XRN1: variants seen among roughly 807,000 people sequenced by gnomAD.
The protein encoded by XRN1 is 5'-3' exoribonuclease 1, also known as strand-exchange protein 1 homolog.
In XRN1, 67 loss-of-function variants were observed where a neutral mutation model predicts 222.3. The ratio of observed to expected loss-of-function variants is 0.30; its 90% confidence interval spans 0.25 to 0.37. The LOEUF (loss-of-function observed/expected upper bound fraction) is 0.37. Ranked by LOEUF, XRN1 falls within the 10% of genes least tolerant of loss-of-function variation. The pLI is 1.00. For missense variants in XRN1, 1,707 were observed against 2,000.2 expected (o/e 0.85, Z 2.80); for synonymous variants, 643 against 652.4 (o/e 0.99, Z 0.22).
chr3:142,325,609 T>A (rs1412156689), intron 37 of XRN1, among the ~76,000 whole-genome samples: 3 of 152,168 alleles, frequency 2.0e-5, no homozygotes, highest in Non-Finnish European at 4.4e-5. Context: ...TTTTCTCCTC[T>A]TCTGTGTATT....
chr3:142,387,418 G>C (rs1251174203), intron 20 of XRN1, among the ~76,000 whole-genome samples: 1 of 152,088 alleles, frequency 6.6e-6, no homozygotes, highest in Non-Finnish European at 1.5e-5. Flanking sequence ...TTGTATTCTT[G>C]TTCCACATGT....
chr3:142,343,422 C>G (rs1452379039), intron 33 of XRN1, among the ~76,000 whole-genome samples: 1 of 151,496 alleles, frequency 6.6e-6, no homozygotes, highest in Non-Finnish European at 1.5e-5. Flanking sequence ...CCATTGCACT[C>G]CAGCCTGGGC....
At chr3:142,441,345 T>C (rs1473842338) in intron 1 of XRN1, among the ~76,000 whole-genome samples, 3 of 152,216 alleles carry the variant, frequency 2.0e-5, no homozygotes, top group Non-Finnish European at 4.4e-5. Context: ...GATGGACACC[T>C]GAAGCAGAAG....
Position 142,414,242 on chromosome 3 carries a change from T to C in XRN1, c.1486A>G (p.Ser496Gly), listed in dbSNP as rs148710703. 10 of 1,613,790 alleles carry C rather than the reference T, an allele frequency of 6.2e-6. No homozygotes were observed. The African/African-American group carries it at 1.3e-4, about 22-fold the overall frequency. The change falls in exon 14 of 41, where the codon AGT becomes GGT. Residue 496 changes from serine to glycine, a missense_variant. By Grantham distance (56) the Ser-to-Gly change is moderately conservative. Transcript: ENST00000392981. Reference protein sequence around the residue: ...APFLSDIHNISTLKIHFELGK... With the variant: ...APFLSDIHNIGTLKIHFELGK... ...AGTTCAAAATGGATTTTGAGTGTAC[T>C]GATGTTGTGTATATCAGACAGGAAA... is the stretch of plus-strand genomic sequence containing the variant.
At chr3:142,444,846 AAT>A (rs758520753) in intron 1 of XRN1, among the ~76,000 whole-genome samples, 25 of 152,212 alleles carry the variant, frequency 1.6e-4, no homozygotes, top group East Asian at 1.2e-3. Flanking sequence ...CATAAAAAAA[AAT>A]AATCATAATA....
Position 142,422,749 on chromosome 3 carries a change from T to A in XRN1, c.800A>T (p.Glu267Val), listed in dbSNP as rs1220292293. 1 of 1,609,632 alleles carries A rather than the reference T, an allele frequency of 6.2e-7. No homozygotes were observed. The highest frequency in any genetic ancestry group is 1.1e-5 in the South Asian group (1 of 90,318). ...AATATCATATTTAAATGTGATCTTT[T>A]CCTACAGTAAAATAGAGAACAAAGT... Reference protein sequence around the residue: ...YIDYEFSVLKEKITFKYDIER... With the variant: ...YIDYEFSVLKVKITFKYDIER... The change falls in exon 8 of 41, where the codon GAA becomes GTA. Residue 267 changes from glutamate (E) to valine (V), a missense_variant and splice_region_variant. Glu to Val is a moderately radical substitution (Grantham distance 121, BLOSUM62 -2). Coordinates refer to ENST00000392981, the MANE Select transcript of XRN1 (RefSeq NM_001282857.2).
At chr3:142,336,197 T>C (rs899551024) in intron 33 of XRN1, among the ~76,000 whole-genome samples, 2 of 152,040 alleles carry the variant, frequency 1.3e-5, no homozygotes, top group African/African-American at 4.8e-5. Flanking sequence ...ATTATTTTCA[T>C]AGGATTTGGT....
chr3:142,343,904 TAAA>T (rs1348213126), intron 33 of XRN1, among the ~76,000 whole-genome samples: 2 of 151,992 alleles, frequency 1.3e-5, no homozygotes, highest in African/African-American at 4.8e-5. Context: ...TATTCGGCCA[TAAA>T]AAAAGAATGA....
chr3:142,380,509 C>T (rs1483576751), intron 22 of XRN1, among the ~76,000 whole-genome samples: 1 of 151,956 alleles, frequency 6.6e-6, no homozygotes, highest in Non-Finnish European at 1.5e-5. Flanking sequence ...GGTGGTATGG[C>T]CGTAGACAGG....
rs2065038882 is a variant in XRN1 at position 142,309,690 on chromosome 3, G to C, written c.*1821C>G. On this transcript the variant is annotated 3_prime_UTR_variant, in exon 41 of 41. Transcript: ENST00000392981. ...CTATGCTCTAAAACAGATGTGAGCT[G>C]CATGCTATTTATATAACTGTCACAC... 1 of 152,232 alleles carries C rather than the reference G, an allele frequency of 6.6e-6. No individual in the cohort carries two copies. Among genetic ancestry groups the C allele is most frequent in the Non-Finnish European group, 1.5e-5 (1 of 68,046 alleles). The allele number at this position is 152,232 out of a possible 1,614,324, so 9.4% of individuals were successfully genotyped here.
At chr3:142,341,039 G>A (rs2065977838) in intron 33 of XRN1, among the ~76,000 whole-genome samples, 1 of 152,042 alleles carries the variant, frequency 6.6e-6, no homozygotes, top group Non-Finnish European at 1.5e-5. Flanking sequence ...TGTATGGTAT[G>A]TAAACTACTC....
At position 142,381,764 on chromosome 3, in the gene XRN1, G is replaced by A. The variant is rs374858333; in HGVS notation, c.2616+1536C>T. Among the ~76,000 whole-genome samples the A allele has an allele frequency of 2.6e-5, 4 of 151,682 alleles. No individual in the cohort carries two copies. The East Asian group carries it at 7.8e-4, about 29-fold the overall frequency. ...ATAATTTTAGCAGAGATGAGGTTTC[G>A]CTGTGTTGGCCAGCCTGGTCTCGAA... On this transcript the variant is annotated intron_variant, in intron 22 of 40. Coordinates refer to ENST00000392981, the MANE Select transcript of XRN1 (RefSeq NM_001282857.2).
Position 142,369,978 on chromosome 3 carries a change from C to T in XRN1, c.3204+507G>A, listed in dbSNP as rs552714000. On this transcript the variant is annotated intron_variant, in intron 27 of 40. Coordinates refer to ENST00000392981, the MANE Select transcript of XRN1 (RefSeq NM_001282857.2). ...AGGAGAATTGCTTCAATCTGGGAGG[C>T]GGAGGTTGCAGTGAGCCGAGATCCT... Among the ~76,000 whole-genome samples, 1,039 of 142,498 alleles carry T rather than the reference C, an allele frequency of 7.3e-3. 21 individuals are homozygous for T. Among genetic ancestry groups the T allele is most frequent in the African/African-American group, 0.026 (986 of 38,488 alleles). 93.5% of individuals were successfully genotyped at this position (142,498 alleles called of 152,430 possible). A position where few individuals can be genotyped will look rare whatever the true frequency, so the allele number is the denominator to read the frequency against.
chr3:142,442,789 A>C (rs1235747618), intron 1 of XRN1, among the ~76,000 whole-genome samples: 2 of 152,156 alleles, frequency 1.3e-5, no homozygotes, highest in Non-Finnish European at 2.9e-5. Flanking sequence ...GCTGGAGTGC[A>C]GTGGCGCGAT....
chr3:142,355,919 A>G (rs2066455693), intron 31 of XRN1, among the ~76,000 whole-genome samples: 1 of 152,136 alleles, frequency 6.6e-6, no homozygotes, highest in Non-Finnish European at 1.5e-5. Flanking sequence ...GTCCACCCCT[A>G]AACTAACTTT....
At chr3:142,411,884 C>T (rs539265825) in intron 15 of XRN1, among the ~76,000 whole-genome samples, 2 of 149,512 alleles carry the variant, frequency 1.3e-5, no homozygotes, top group East Asian at 2.0e-4. Flanking sequence ...TGCAGTGGCG[C>T]GATCTCGGTT....
At chr3:142,418,477 A>T in intron 12 of XRN1, 27 bp downstream of exon 12, 1 of 1,524,650 alleles carries the variant, frequency 6.6e-7, no homozygotes, top group Non-Finnish European at 8.9e-7. Context: ...TTTCTATTTT[A>T]AAATAAAAGC....
At chr3:142,383,045 T>C (rs2067360429) in intron 22 of XRN1, among the ~76,000 whole-genome samples, 1 of 151,390 alleles carries the variant, frequency 6.6e-6, no homozygotes, top group South Asian at 2.1e-4. Flanking sequence ...ACAAAACTGC[T>C]AAAAAAAAAG....
chr3:142,335,849 A>G (rs1396483292), intron 33 of XRN1, among the ~76,000 whole-genome samples: 1 of 152,236 alleles, frequency 6.6e-6, no homozygotes, highest in African/African-American at 2.4e-5. Context: ...ATGGAGCTTG[A>G]GAGAACTAAA....
Sources: allele counts gnomAD v4.1 joint callset (sites outside exome capture counted in the v4.1 genomes callset), GRCh38; gene constraint gnomAD v4.1.1; transcripts MANE v1.5; gene names NCBI Gene and HGNC (gene_info 2026-07-23, HGNC 2026-07-21).